ZNF385D: variants seen among roughly 807,000 people sequenced by gnomAD.
ZNF385D encodes the protein zinc finger protein 385D, also known as zinc finger protein 659.
In ZNF385D, 15 loss-of-function variants were observed where a neutral mutation model predicts 35.8. The ratio of observed to expected loss-of-function variants is 0.42; its 90% confidence interval spans 0.28 to 0.64. ZNF385D has a LOEUF of 0.64. ZNF385D is among the 30% of genes least tolerant of loss of function. The probability of loss-of-function intolerance (pLI) is 0.23; values close to 1 mark genes in which losing one functional copy is unlikely to be tolerated. For synonymous variants in ZNF385D, 212 were observed against 186.8 expected (o/e 1.13, Z -1.10); for missense variants, 474 against 494.6 (o/e 0.96, Z 0.39).
rs66691637 is a variant in ZNF385D, at chr3:21,663,890, AATAT to A, written c.165+992_165+995del. 4.5e-3 allele frequency among the ~76,000 whole-genome samples: 291 copies of A among 64,412 alleles called. 11 individuals are homozygous for A. Among genetic ancestry groups the A allele is most frequent in the South Asian group, 0.035 (76 of 2,194 alleles). The allele number at this position is 64,412 out of a possible 152,430, so 42.3% of individuals were successfully genotyped here. ...TGAAGAATTATTTAATTGTGGGCCG[AATAT>A]ATATATATATATATATATATATATT... On this transcript the variant is annotated intron_variant, in intron 2 of 7. Transcript: ENST00000281523.
At chr3:22,225,603 A>C (rs190324381) in intron 2 of ZNF385D, among the ~76,000 whole-genome samples, 107 of 152,190 alleles carry the variant, frequency 7.0e-4, no homozygotes, top group African/African-American at 2.4e-3. Context: ...TCAAGCAACA[A>C]TTGCCCACTG....
intron 3 of ZNF385D, among the ~76,000 whole-genome samples, chr3:22,114,666 C>G (rs571382996): frequency 6.6e-6 from 1 of 152,194 alleles, no homozygotes; most frequent in South Asian, 2.1e-4. Context: ...TCAGAGTTCT[C>G]CCAGGTCAGG....
intron 3 of ZNF385D, among the ~76,000 whole-genome samples, chr3:22,025,344 T>A (rs1238276739): frequency 6.6e-6 from 1 of 152,106 alleles, no homozygotes; most frequent in Non-Finnish European, 1.5e-5. Context: ...TGTTTGCTTG[T>A]GGACCTATAA....
At chr3:21,740,123 A>G (rs1425731010) in intron 1 of ZNF385D, among the ~76,000 whole-genome samples, 1 of 152,200 alleles carries the variant, frequency 6.6e-6, no homozygotes, top group Admixed American at 6.5e-5. Flanking sequence ...TCTAAGTCCC[A>G]GGCAACATGG....
chr3:22,246,743 C>T lies in ZNF385D; in HGVS notation c.107-77708G>A, dbSNP rs143703868. Among the ~76,000 whole-genome samples the T allele has an allele frequency of 2.1e-4, 32 of 152,182 alleles. No homozygotes were observed. In the East Asian group the frequency reaches 6.0e-3, roughly 29 times the overall value. ...ATTATGAAGGTAGAAAAGATGGAAA[C>T]CCAAATGACTTTCAGAGAAGTTATT... is the stretch of plus-strand genomic sequence containing the variant. On this transcript the variant is annotated intron_variant, in intron 2 of 5. Transcript: ENST00000494108.
chr3:22,315,309 C>T (rs1703824868), intron 2 of ZNF385D, among the ~76,000 whole-genome samples: 1 of 151,976 alleles, frequency 6.6e-6, no homozygotes. Context: ...TTTTAATTGC[C>T]CTTTGGACCT....
At chr3:22,347,829 A>G (rs1279767227) in intron 2 of ZNF385D, among the ~76,000 whole-genome samples, 1 of 152,216 alleles carries the variant, frequency 6.6e-6, no homozygotes, top group African/African-American at 2.4e-5. Context: ...TCAATTTTGC[A>G]TATAAATTAA....
chr3:22,279,575 TA>T (rs1293995930), intron 2 of ZNF385D, among the ~76,000 whole-genome samples: 1 of 145,892 alleles, frequency 6.9e-6, no homozygotes, highest in Non-Finnish European at 1.5e-5. Context: ...TATATATGTA[TA>T]TACATATACA....
At chr3:21,897,363 C>G (rs1699190165) in intron 3 of ZNF385D, among the ~76,000 whole-genome samples, 1 of 152,138 alleles carries the variant, frequency 6.6e-6, no homozygotes, top group South Asian at 2.1e-4. Flanking sequence ...ACCTCAAACA[C>G]AGGAGATCCA....
At chr3:22,135,070 G>C (rs1704025664) in intron 3 of ZNF385D, among the ~76,000 whole-genome samples, 1 of 152,012 alleles carries the variant, frequency 6.6e-6, no homozygotes, top group Non-Finnish European at 1.5e-5. Context: ...AAGAAAACAG[G>C]AAAATCTCCA....
At chr3:21,734,788 G>A (rs951718241) in intron 1 of ZNF385D, among the ~76,000 whole-genome samples, 1 of 152,128 alleles carries the variant, frequency 6.6e-6, no homozygotes, top group Admixed American at 6.5e-5. Context: ...CTGTGTTGTG[G>A]GATTAGCTTG....
At chr3:22,186,571 C>T (rs1258314231) in intron 2 of ZNF385D, among the ~76,000 whole-genome samples, 1 of 152,146 alleles carries the variant, frequency 6.6e-6, no homozygotes, top group Non-Finnish European at 1.5e-5. Context: ...TCATGACCAT[C>T]ATGCAACCTT....
intron 2 of ZNF385D, among the ~76,000 whole-genome samples, chr3:22,363,167 G>GACCTTGCCCACTGA (rs1696494697): frequency 6.6e-6 from 1 of 151,954 alleles, no homozygotes; most frequent in Non-Finnish European, 1.5e-5. Flanking sequence ...CCACTGCCTG[G>GACCTTGCCCACTGA]ACCTTGCCCA....
At chr3:22,099,755 TG>T (rs994814570) in intron 3 of ZNF385D, among the ~76,000 whole-genome samples, 1 of 151,438 alleles carries the variant, frequency 6.6e-6, no homozygotes, top group Middle Eastern at 3.2e-3. Flanking sequence ...CCAGCAAGGG[TG>T]GGTACATCCT....
At position 22,144,708 on chromosome 3, in the gene ZNF385D, TTTTA is replaced by T. The variant is rs375110643; in HGVS notation, c.325+24105_325+24108del. 7.4e-4 allele frequency among the ~76,000 whole-genome samples: 112 copies of T among 152,192 alleles called. 1 individual carries two copies. The highest frequency in any genetic ancestry group is 2.4e-3 in the Admixed American group (37 of 15,278). On this transcript the variant is annotated intron_variant, in intron 3 of 5. Transcript: ENST00000494108. ...CATAGTGATCAGCAGTATTCAAAATTTTTATTTATTATTATGTGTACAATTATTC... is the reference window on the plus strand; with the variant it reads ...CATAGTGATCAGCAGTATTCAAAATTTTTATTATTATGTGTACAATTATTC...
At position 22,149,474 on chromosome 3, in the gene ZNF385D, G is replaced by A. The variant is rs147312045; in HGVS notation, c.325+19343C>T. ...AGCATGCAACAGAATCGCCCAAAGCGTTCTTTAAGACACAGATTGCTTGGC... is the reference window on the plus strand; with the variant it reads ...AGCATGCAACAGAATCGCCCAAAGCATTCTTTAAGACACAGATTGCTTGGC... On this transcript the variant is annotated intron_variant, in intron 3 of 5. Coordinates refer to the ZNF385D transcript ENST00000494108. Among the ~76,000 whole-genome samples the A allele has an allele frequency of 1.6e-4, 25 of 152,226 alleles. No homozygotes were observed. The East Asian group carries it at 3.9e-3, about 24-fold the overall frequency.
chr3:21,435,698 C>A (rs1701517975), intron 5 of ZNF385D, among the ~76,000 whole-genome samples: 1 of 152,148 alleles, frequency 6.6e-6, no homozygotes, highest in Non-Finnish European at 1.5e-5. Context: ...AATGGACTAC[C>A]AATGATGTTT....
chr3:21,523,841 G>A (rs569722301), intron 3 of ZNF385D, among the ~76,000 whole-genome samples: 1 of 152,242 alleles, frequency 6.6e-6, no homozygotes, highest in African/African-American at 2.4e-5. Flanking sequence ...CAGGGGCAGG[G>A]AGTCTAGATG....
chr3:22,334,054 T>A (rs1452638610), intron 2 of ZNF385D, among the ~76,000 whole-genome samples: 1 of 152,200 alleles, frequency 6.6e-6, no homozygotes, highest in Non-Finnish European at 1.5e-5. Context: ...ACTATACACA[T>A]CCTTTCGCTT....
Sources: gnomAD v4.1 joint callset for allele counts (sites outside exome capture counted in the v4.1 genomes callset) on GRCh38, gnomAD v4.1.1 for gene constraint, MANE v1.5 for transcripts, NCBI Gene and HGNC (gene_info 2026-07-23, HGNC 2026-07-21) for gene names.